CRKL: variants seen among roughly 807,000 people sequenced by gnomAD.
The protein encoded by CRKL is crk-like protein.
Under a neutral mutation model 23.0 loss-of-function variants are expected in CRKL, and 3 were observed. The observed-to-expected ratio is 0.13, with a 90% CI of 0.06 to 0.34. CRKL has a LOEUF of 0.34. Among genes scored for constraint, CRKL ranks in the 10% least tolerant of loss-of-function variants. The pLI is 1.00. For synonymous variants in CRKL, 188 were observed against 160.7 expected (o/e 1.17, Z -1.28); for missense variants, 256 against 394.5 (o/e 0.65, Z 2.97).
chr22:20,933,502 A>G (rs1921539465), intron 1 of CRKL, among the ~76,000 whole-genome samples: 1 of 151,372 alleles, frequency 6.6e-6, no homozygotes. Context: ...CCCCTTCTCT[A>G]CTAAAAATAA....
At position 20,937,475 on chromosome 22, in the gene CRKL, G is replaced by A. The variant is rs140018308; in HGVS notation, c.777+3231G>A. 2.7e-4 allele frequency among the ~76,000 whole-genome samples: 40 copies of A among 147,714 alleles called. No homozygotes were observed. In the East Asian group the frequency reaches 6.7e-3, roughly 25 times the overall value. On this transcript the variant is annotated intron_variant, in intron 2 of 2. Coordinates refer to ENST00000354336, the MANE Select transcript of CRKL (RefSeq NM_005207.4). Reference sequence around the variant, plus strand: ...TTTTAGAAACCTGTATCTAGTGTGCGTGCGTGTGTGCTCACTGGAGCGAGT... The same window carrying A: ...TTTTAGAAACCTGTATCTAGTGTGCATGCGTGTGTGCTCACTGGAGCGAGT...
chr22:20,933,002 C>G (rs541929225), intron 1 of CRKL, among the ~76,000 whole-genome samples: 8 of 151,976 alleles, frequency 5.3e-5, no homozygotes, highest in African/African-American at 1.9e-4. Flanking sequence ...ATCACTTGAA[C>G]ACGGGAGGTA....
intron 2 of CRKL, among the ~76,000 whole-genome samples, chr22:20,939,387 C>T (rs545883927): frequency 6.4e-4 from 93 of 145,860 alleles, no homozygotes; most frequent in African/African-American, 2.2e-3. Flanking sequence ...ACTACAGGCA[C>T]CTGCCACCAC....
rs371278201 is a variant in CRKL at position 20,927,111 on chromosome 22, CAAAAAAAAAA to C, written c.312-6652_312-6643del. ...TGGGTGACAGAGCAAGACTCCGTCT[CAAAAAAAAAA>C]AAAAAAAAAAAAAAAGAATGGTGGT... is the stretch of plus-strand genomic sequence containing the variant. On this transcript the variant is annotated intron_variant, in intron 1 of 2. Coordinates refer to ENST00000354336, the MANE Select transcript of CRKL (RefSeq NM_005207.4). 4.5e-4 allele frequency among the ~76,000 whole-genome samples: 22 copies of C among 48,520 alleles called. 1 individual carries two copies. The highest frequency in any genetic ancestry group is 1.1e-3 in the East Asian group (1 of 884). The allele number at this position is 48,520 out of a possible 152,430, so 31.8% of individuals were successfully genotyped here.
Position 20,949,731 on chromosome 22 carries a change from C to T in CRKL, c.798C>T (p.Val266=), listed in dbSNP as rs748252280. 8 of 1,612,916 alleles carry T rather than the reference C, an allele frequency of 5.0e-6. No individual in the cohort carries two copies. The highest frequency in any genetic ancestry group is 1.1e-5 in the South Asian group (1 of 90,772). The part of the protein sequence containing the change: ...LALEVGDIVK[V]TRMNINGQWE... ...TACAGGTTGGTGACATCGTGAAAGT[C>T]ACAAGGATGAATATAAATGGCCAGT... Residue 266 remains valine, a synonymous_variant, in exon 3 of 3, where the codon GTC becomes GTT. Transcript: ENST00000354336.
At chr22:20,922,132 C>T (rs1048183758) in intron 1 of CRKL, among the ~76,000 whole-genome samples, 4 of 151,554 alleles carry the variant, frequency 2.6e-5, no homozygotes, top group African/African-American at 7.3e-5. Context: ...CCTACCTCAG[C>T]CTCCTGAGTA....
intron 1 of CRKL, among the ~76,000 whole-genome samples, chr22:20,926,071 T>TGCTC (rs1466611654): frequency 1.3e-5 from 2 of 152,158 alleles, no homozygotes; most frequent in South Asian, 4.1e-4. Context: ...CTTCAACTGA[T>TGCTC]TCTTTAAGGA....
intron 1 of CRKL, among the ~76,000 whole-genome samples, chr22:20,921,188 C>T (rs747090138): frequency 1.3e-5 from 2 of 152,202 alleles, no homozygotes; most frequent in Non-Finnish European, 2.9e-5. Context: ...GGCATCAAAA[C>T]TGAGCTTTTA....
At chr22:20,938,877 A>G (rs1031750438) in intron 2 of CRKL, among the ~76,000 whole-genome samples, 2 of 152,180 alleles carry the variant, frequency 1.3e-5, no homozygotes, top group Admixed American at 6.5e-5. Context: ...ACAATTGGTG[A>G]CACAAGCTGG....
chr22:20,943,476 G>A (rs1482291640), intron 2 of CRKL, among the ~76,000 whole-genome samples: 5 of 152,120 alleles, frequency 3.3e-5, no homozygotes, highest in Non-Finnish European at 7.4e-5. Context: ...CTAAAGTGAG[G>A]TGATCCACCT....
intron 2 of CRKL, among the ~76,000 whole-genome samples, chr22:20,939,514 G>C (rs1305012737): frequency 6.6e-6 from 1 of 151,994 alleles, no homozygotes; most frequent in Non-Finnish European, 1.5e-5. Flanking sequence ...CCAAAATGCT[G>C]GGATTACAGG....
In CRKL at chr22:20,941,511, GTGTA is replaced by G. The variant is rs1462064985; in HGVS notation, c.777+7271_777+7274del. Among the ~76,000 whole-genome samples, 26 of 75,880 alleles carry G rather than the reference GTGTA, an allele frequency of 3.4e-4. 1 individual carries two copies. The South Asian group carries it at 0.011, about 31-fold the overall frequency. 49.8% of individuals were successfully genotyped at this position (75,880 alleles called of 152,430 possible). A position where few individuals can be genotyped will look rare whatever the true frequency, so the allele number is the denominator to read the frequency against. On this transcript the variant is annotated intron_variant, in intron 2 of 2. Coordinates refer to ENST00000354336, the MANE Select transcript of CRKL (RefSeq NM_005207.4). ...TAAAAATATATACATATGTGTGTTT[GTGTA>G]TGTGTATATATATATATATTTTATG... is the stretch of plus-strand genomic sequence containing the variant.
intron 2 of CRKL, among the ~76,000 whole-genome samples, chr22:20,937,077 C>A (rs1417441582): frequency 6.6e-6 from 1 of 151,764 alleles, no homozygotes; most frequent in East Asian, 1.9e-4. Context: ...GTCTTGAACT[C>A]CTAGCCTCTG....
At chr22:20,938,143 CAAGT>C (rs1460420315) in intron 2 of CRKL, among the ~76,000 whole-genome samples, 3 of 152,148 alleles carry the variant, frequency 2.0e-5, no homozygotes, top group Non-Finnish European at 4.4e-5. Flanking sequence ...GAGAAACAGA[CAAGT>C]AGGACAAAAT....
intron 2 of CRKL, among the ~76,000 whole-genome samples, chr22:20,935,841 C>G (rs1921640328): frequency 6.6e-6 from 1 of 150,564 alleles, no homozygotes; most frequent in Non-Finnish European, 1.5e-5. Context: ...TTTCTTCTAA[C>G]TAAATATTAC....
intron 2 of CRKL, among the ~76,000 whole-genome samples, chr22:20,937,041 C>A (rs7287892): frequency 0.76 from 115,295 of 151,880 alleles, 44,279 homozygotes; most frequent in South Asian, 0.91. Context: ...TAGTAGAGAC[C>A]GGGTTTCACT....
At chr22:20,935,746 G>C (rs1211075400) in intron 2 of CRKL, among the ~76,000 whole-genome samples, 1 of 151,910 alleles carries the variant, frequency 6.6e-6, no homozygotes, top group Non-Finnish European at 1.5e-5. Flanking sequence ...GGCTGGTCTC[G>C]AACTCCTGAC....
At chr22:20,936,602 C>T (rs912484197) in intron 2 of CRKL, among the ~76,000 whole-genome samples, 11 of 152,144 alleles carry the variant, frequency 7.2e-5, no homozygotes, top group Non-Finnish European at 1.0e-4. Flanking sequence ...CTGCCCACCT[C>T]GGCCTCCCAA....
Position 20,935,735 on chromosome 22 carries a change from A to G in CRKL, c.777+1491A>G, listed in dbSNP as rs866381022. On this transcript the variant is annotated intron_variant, in intron 2 of 2. Coordinates refer to ENST00000354336, the MANE Select transcript of CRKL (RefSeq NM_005207.4). Reference sequence around the variant, plus strand: ...GAGACGGGGTTTCACCATGTTGGCCAGGCTGGTCTCGAACTCCTGACCTCA... The same window carrying G: ...GAGACGGGGTTTCACCATGTTGGCCGGGCTGGTCTCGAACTCCTGACCTCA... Among the ~76,000 whole-genome samples, 64 of 151,466 alleles carry G rather than the reference A, an allele frequency of 4.2e-4. No homozygotes were observed. In the Middle Eastern group the frequency reaches 0.01, roughly 24 times the overall value.
Sources: gnomAD v4.1 joint callset for allele counts (sites outside exome capture counted in the v4.1 genomes callset) on GRCh38, gnomAD v4.1.1 for gene constraint, MANE v1.5 for transcripts, NCBI Gene and HGNC (gene_info 2026-07-23, HGNC 2026-07-21) for gene names.